Variants in ZAN observed in about 807,000 individuals in gnomAD.
The protein encoded by ZAN is zonadhesin.
In ZAN, 260 loss-of-function variants were observed where a neutral mutation model predicts 286.2. The ratio of observed to expected loss-of-function variants is 0.91; its 90% CI spans 0.82 to 1.01. The LOEUF (loss-of-function observed/expected upper bound fraction) is 1.01, where lower values mean the gene tolerates loss of function less well. ZAN is among the 50% of genes least tolerant of loss of function. ZAN has a pLI of 0.00. For synonymous variants in ZAN, 1,368 were observed against 1,417.5 expected, an observed-to-expected ratio of 0.97 and a Z score of 0.79; for missense variants, 3,410 against 3,639.2, an observed-to-expected ratio of 0.94 and a Z score of 1.62.
At chr7:100,793,526 G>A (rs752692661) in intron 42 of ZAN, among the ~76,000 whole-genome samples, 18 of 151,854 alleles carry the variant, frequency 1.2e-4, no homozygotes, top group Admixed American at 2.6e-4. Context: ...TGCAACCTCC[G>A]CCTCCTGGGT....
chr7:100,766,730 T>G, intron 24 of ZAN, 64 bp downstream of exon 24: 1 of 1,517,718 alleles, frequency 6.6e-7, no homozygotes. Context: ...AGGTGATGGG[T>G]CCTGCCCAAA....
intron 17 of ZAN, 53 bp from the exon 18 acceptor site, chr7:100,759,668 G>T: frequency 1.3e-6 from 2 of 1,534,462 alleles, no homozygotes; most frequent in East Asian, 2.5e-5. Context: ...ACTGCTCGCG[G>T]CAGATGTTCA....
At chr7:100,744,803 T>C (rs1239507279) in intron 7 of ZAN, among the ~76,000 whole-genome samples, 1 of 151,200 alleles carries the variant, frequency 6.6e-6, no homozygotes, top group East Asian at 1.9e-4. Flanking sequence ...CGCTTCCTTA[T>C]ATTTTCTTCA....
chr7:100,759,053 G>T (rs184449718), intron 17 of ZAN, among the ~76,000 whole-genome samples: 1 of 151,966 alleles, frequency 6.6e-6, no homozygotes. Flanking sequence ...GTGAAACCCC[G>T]TCTCTACTAA....
Position 100,751,816 on chromosome 7 carries a change from A to C in ZAN, c.1711A>C (p.Thr571Pro), listed in dbSNP as rs1808683444. ...ENPTISTKKP[T>P]VSIEKPSVTT... ...CCCTACAATCTCCACCAAGAAACCT[A>C]CAGTTTCCATAGAAAAACCCAGTGT... The change falls in exon 14 of 48, where the codon ACA becomes CCA. Residue 571 changes from threonine (T) to proline (P), a missense_variant. Physicochemically the swap from Thr to Pro is conservative, Grantham distance 38. This residue lies in a region of ZAN where 872 missense variants were observed against 938.9 expected (regional missense o/e 0.93). Coordinates refer to ENST00000613979, the MANE Select transcript of ZAN (RefSeq NM_003386.3). 1 of 1,613,748 alleles carries C rather than the reference A, an allele frequency of 6.2e-7. No homozygotes were observed. The highest frequency in any genetic ancestry group is 1.3e-5 in the African/African-American group (1 of 75,010).
At chr7:100,780,126 G>T (rs543161697) in intron 35 of ZAN, among the ~76,000 whole-genome samples, 38 of 151,736 alleles carry the variant, frequency 2.5e-4, no homozygotes, top group Non-Finnish European at 4.6e-4. Context: ...CTGGGAGGCG[G>T]AGGTTGTAGT....
Position 100,766,655 on chromosome 7 carries a change from G to A in ZAN, c.4601G>A (p.Cys1534Tyr), listed in dbSNP as rs752157897. The A allele has an allele frequency of 2.5e-5, 39 of 1,567,834 alleles. No homozygotes were observed. In the African/African-American group the frequency reaches 5.0e-4, roughly 20 times the overall value. ...GGCCAACAGGATGGTATCTATGGCT[G>A]CCATGCCCAAGGTGAGCCATCAGGG... ...FCGQQDGIYG[C>Y]HAQGAATCTA... The change falls in exon 24 of 48, where the codon TGC becomes TAC. Residue 1534 changes from cysteine to tyrosine, a missense_variant. Cys to Tyr is a radical substitution (Grantham distance 194, BLOSUM62 -2). Transcript: ENST00000613979.
chr7:100,779,338 A>G (rs1811031280), intron 34 of ZAN, 108 bp from the exon 35 acceptor site: 2 of 1,133,052 alleles, frequency 1.8e-6, no homozygotes, highest in Admixed American at 5.3e-5. Context: ...AGACTGTTGC[A>G]TTGCACTCCA....
chr7:100,792,982 C>CAAAAAAAAAA (rs1232116032), intron 42 of ZAN, among the ~76,000 whole-genome samples: 47 of 50,926 alleles, frequency 9.2e-4, no homozygotes, highest in South Asian at 2.8e-3. Flanking sequence ...CATCCTATCT[C>CAAAAAAAAAA]AAAAAAAAAA....
Position 100,752,199 on chromosome 7 carries a change from C to T in ZAN, c.2094C>T (p.Ile698=). 1 of 1,611,618 alleles carries T rather than the reference C, an allele frequency of 6.2e-7. No homozygotes were observed. Among genetic ancestry groups the T allele is most frequent in the Non-Finnish European group, 8.5e-7 (1 of 1,179,350 alleles). Residue 698 remains isoleucine, a synonymous_variant, in exon 14 of 48, where the codon ATC becomes ATT. Coordinates refer to ENST00000613979, the MANE Select transcript of ZAN (RefSeq NM_003386.3). ...GCATCCCCACGGAAAAACCCACCAT[C>T]TCCATGGAAGAGACTATCATCTCCA... ...KPSIPTEKPT[I]SMEETIISTE...
At chr7:100,738,972 TCCCTCTCCCTCTCCCTCTCC>T (rs1232604685) in intron 7 of ZAN, among the ~76,000 whole-genome samples, 2 of 39,372 alleles carry the variant, frequency 5.1e-5, no homozygotes, top group East Asian at 1.3e-3. Context: ...CCTCTCCCTC[TCCCTCTCCCTCTCCCTCTCC>T]TTCTCCTTCT....
At chr7:100,768,551 CTGGGG>C in intron 26 of ZAN, 54 bp from the exon 27 acceptor site, 2 of 1,435,522 alleles carry the variant, frequency 1.4e-6, no homozygotes, top group Non-Finnish European at 1.9e-6. Context: ...GATGGTGGCC[CTGGGG>C]CCTGGCCTGC....
chr7:100,774,917 GTTTTTTGTTTGT>G (rs1810645640), intron 31 of ZAN, among the ~76,000 whole-genome samples: 1 of 112,502 alleles, frequency 8.9e-6, no homozygotes, highest in Non-Finnish European at 1.9e-5. Flanking sequence ...TGGCCCTGGG[GTTTTTTGTTTGT>G]TTGTTTGTTT....
intron 7 of ZAN, among the ~76,000 whole-genome samples, chr7:100,746,310 G>A (rs1343540705): frequency 2.0e-5 from 3 of 152,168 alleles, no homozygotes; most frequent in Non-Finnish European, 4.4e-5. Flanking sequence ...CTTTGGAGAA[G>A]GTGTCCGCCG....
At chr7:100,769,424 T>C (rs1480857296) in intron 27 of ZAN, among the ~76,000 whole-genome samples, 1 of 152,094 alleles carries the variant, frequency 6.6e-6, no homozygotes, top group African/African-American at 2.4e-5. Flanking sequence ...GTTTGGGAGA[T>C]GGTTCCTCAG....
rs914378943 is a variant in ZAN, at chr7:100,750,880, A to G, written c.1505A>G (p.His502Arg). The G allele has an allele frequency of 1.3e-6, 2 of 1,553,136 alleles. No homozygotes were observed. The highest frequency in any genetic ancestry group is 1.4e-5 in the African/African-American group (1 of 73,524). ...QNTSVTVPSG[H>R]QQPMQLIFKG... The stretch of plus-strand genomic sequence containing the variant: ...ACCTCCGTCACCGTCCCCTCAGGAC[A>G]CCAACAGCCCATGCAGGTGAGAGAC... Residue 502 changes from histidine (H) to arginine (R), a missense_variant, in exon 12 of 48, where the codon CAC (histidine) becomes CGC (arginine). Physicochemically the swap from His to Arg is conservative, Grantham distance 29. Coordinates refer to ENST00000613979, the MANE Select transcript of ZAN (RefSeq NM_003386.3).
intron 24 of ZAN, 142 bp downstream of exon 24, chr7:100,766,808 G>T: frequency 7.0e-7 from 1 of 1,424,076 alleles, no homozygotes; most frequent in East Asian, 2.5e-5. Flanking sequence ...CATTTTCAGG[G>T]ACCCAAAGGG....
At chr7:100,746,756 T>C (rs1808251058) in intron 8 of ZAN, 54 bp downstream of exon 8, 7 of 1,587,888 alleles carry the variant, frequency 4.4e-6, no homozygotes, top group Non-Finnish European at 6.0e-6. Context: ...TCTCCCAGGG[T>C]TGGCTTGATG....
intron 35 of ZAN, among the ~76,000 whole-genome samples, chr7:100,783,757 A>ATATATATAT (rs1449890159): frequency 1.4e-4 from 3 of 21,256 alleles, no homozygotes; most frequent in African/African-American, 6.2e-4. Flanking sequence ...AAAAAAAAAA[A>ATATATATAT]AAAAAAATAT....
Sources: allele counts gnomAD v4.1 joint callset (sites outside exome capture counted in the v4.1 genomes callset), GRCh38; gene constraint gnomAD v4.1.1; regional missense constraint gnomAD v4.1.1; transcripts MANE v1.5; gene names NCBI Gene and HGNC (gene_info 2026-07-23, HGNC 2026-07-21).